METTL15: variants seen among roughly 807,000 people sequenced by gnomAD.
METTL15 encodes methyltransferase 15, mitochondrial 12S rRNA N4-cytidine, also known as 12S rRNA N(4)-cytidine methyltransferase METTL15.
Under a neutral mutation model 38.3 loss-of-function variants are expected in METTL15, and 34 were observed. That is an observed-to-expected ratio of 0.89 (90% CI 0.68 to 1.18). The LOEUF (loss-of-function observed/expected upper bound fraction) is 1.18, where lower values mean the gene tolerates loss of function less well. Ranked by LOEUF, METTL15 falls within the 50% of genes most tolerant of loss-of-function variation. The pLI is 0.00. For missense variants in METTL15, 438 were observed against 498.4 expected, an observed-to-expected ratio of 0.88 and a Z score of 1.15; for synonymous variants, 162 against 170.9, an observed-to-expected ratio of 0.95 and a Z score of 0.41.
intron 4 of METTL15, among the ~76,000 whole-genome samples, chr11:28,247,681 TA>T (rs1854569551): frequency 6.6e-6 from 1 of 152,146 alleles, no homozygotes; most frequent in Non-Finnish European, 1.5e-5. Flanking sequence ...AATACGGAAC[TA>T]AAAACTCATT....
intron 4 of METTL15, among the ~76,000 whole-genome samples, chr11:28,234,248 A>G (rs1296230945): frequency 6.6e-6 from 1 of 152,088 alleles, no homozygotes; most frequent in Non-Finnish European, 1.5e-5. Context: ...TATTGTGAAT[A>G]GTGCTGCAAT....
At chr11:28,188,409 G>A (rs1292991567) in intron 3 of METTL15, among the ~76,000 whole-genome samples, 2 of 151,242 alleles carry the variant, frequency 1.3e-5, no homozygotes, top group African/African-American at 2.4e-5. Flanking sequence ...AAAATGTCAA[G>A]TCAGATATTA....
At chr11:28,234,585 T>C (rs1469904432) in intron 4 of METTL15, among the ~76,000 whole-genome samples, 3 of 151,862 alleles carry the variant, frequency 2.0e-5, no homozygotes, top group Admixed American at 6.6e-5. Flanking sequence ...ATGTGTCTTT[T>C]GGCTGCATAA....
At chr11:28,358,276 C>G (rs1044388860) in intron 4 of METTL15, among the ~76,000 whole-genome samples, 1 of 152,152 alleles carries the variant, frequency 6.6e-6, no homozygotes, top group Non-Finnish European at 1.5e-5. Context: ...TGATTTTACC[C>G]CTGTGGTACC....
intron 6 of METTL15, among the ~76,000 whole-genome samples, chr11:28,431,388 T>G: frequency 1.1e-5 from 1 of 94,312 alleles, no homozygotes; most frequent in Non-Finnish European, 2.3e-5. Flanking sequence ...GCCATGTCTG[T>G]GTAGAAAGAA....
At chr11:28,245,153 A>T (rs10835294) in intron 4 of METTL15, among the ~76,000 whole-genome samples, 15 of 152,078 alleles carry the variant, frequency 9.9e-5, no homozygotes, top group Admixed American at 2.6e-4. Flanking sequence ...ATTACAGACA[A>T]TGGAGCTGTA....
Position 28,261,733 on chromosome 11 carries a change from A to G in METTL15, c.408-28473A>G, listed in dbSNP as rs1855210285. On this transcript the variant is annotated intron_variant, in intron 4 of 6. Transcript: ENST00000407364. ...ACGTTTTCTAGAGTCAGGAGTAAAA[A>G]TAGTTGGCTATTATAATTACATCCA... Among the ~76,000 whole-genome samples, 4 of 152,294 alleles carry G rather than the reference A, an allele frequency of 2.6e-5. No individual in the cohort carries two copies. The South Asian group carries it at 8.3e-4, about 32-fold the overall frequency.
At chr11:28,163,404 C>T (rs756162611) in intron 3 of METTL15, 1 of 398,070 alleles carries the variant, frequency 2.5e-6, no homozygotes, top group Non-Finnish European at 4.4e-6. Flanking sequence ...CATTCTACAG[C>T]AGCCCTGCTT....
intron 5 of METTL15, among the ~76,000 whole-genome samples, chr11:28,391,157 C>T (rs1850502206): frequency 6.6e-6 from 1 of 151,968 alleles, no homozygotes; most frequent in Admixed American, 6.6e-5. Context: ...TCTAGATATA[C>T]AATCATGTCA....
At chr11:28,338,556 AT>A (rs757783021) in intron 3 of METTL15, among the ~76,000 whole-genome samples, 15 of 152,068 alleles carry the variant, frequency 9.9e-5, no homozygotes, top group South Asian at 2.1e-4. Context: ...ATGGTGACTC[AT>A]GTGAATTGTT....
intron 5 of METTL15, among the ~76,000 whole-genome samples, chr11:28,368,143 C>CAAAAAAAAAAAAAAAAAAAAAAAAAA (rs1421370868): frequency 3.4e-5 from 3 of 87,064 alleles, no homozygotes; most frequent in African/African-American, 4.5e-5. Flanking sequence ...AAAAAAAAAA[C>CAAAAAAAAAAAAAAAAAAAAAAAAAA]AAAAAAAACA....
intron 5 of METTL15, among the ~76,000 whole-genome samples, chr11:28,388,674 T>C (rs1850466661): frequency 6.6e-6 from 1 of 152,080 alleles, no homozygotes; most frequent in South Asian, 2.1e-4. Flanking sequence ...AAAATCACAA[T>C]GACACTTTTC....
intron 4 of METTL15, among the ~76,000 whole-genome samples, chr11:28,211,422 A>T (rs1342348769): frequency 6.6e-6 from 1 of 152,114 alleles, no homozygotes; most frequent in Non-Finnish European, 1.5e-5. Context: ...AGAAATACAA[A>T]ATGTCTTCCA....
intron 5 of METTL15, among the ~76,000 whole-genome samples, chr11:28,386,612 A>G (rs575713215): frequency 2.0e-5 from 3 of 152,170 alleles, no homozygotes; most frequent in East Asian, 1.9e-4. Context: ...AATAAATGAT[A>G]ACACGTTAAT....
intron 6 of METTL15, among the ~76,000 whole-genome samples, chr11:28,467,471 T>C (rs911545331): frequency 1.3e-5 from 2 of 152,194 alleles, no homozygotes; most frequent in African/African-American, 4.8e-5. Flanking sequence ...CTCCCTCCAG[T>C]GCAGCTACTG....
rs527386811 is a variant in METTL15 at position 28,217,249 on chromosome 11, C to T, written c.407+6051C>T. On this transcript the variant is annotated intron_variant, in intron 4 of 6. Transcript: ENST00000407364. ...TTGTTTCCTGACTTTTTAATGATCGCCATTCTAACTGGTGTGAGATGGTAT... is the reference window on the plus strand; with the variant it reads ...TTGTTTCCTGACTTTTTAATGATCGTCATTCTAACTGGTGTGAGATGGTAT... Among the ~76,000 whole-genome samples the T allele has an allele frequency of 3.3e-3, 507 of 151,826 alleles. 2 individuals are homozygous for T. The highest frequency in any genetic ancestry group is 5.9e-3 in the Non-Finnish European group (400 of 67,710).
intron 3 of METTL15, among the ~76,000 whole-genome samples, chr11:28,136,633 A>G (rs1231492341): frequency 6.6e-6 from 1 of 152,192 alleles, no homozygotes; most frequent in Non-Finnish European, 1.5e-5. Context: ...ACATATTAAT[A>G]TTATTCATTA....
chr11:28,414,184 G>A (rs1322804003), intron 5 of METTL15, among the ~76,000 whole-genome samples: 1 of 152,094 alleles, frequency 6.6e-6, no homozygotes, highest in African/African-American at 2.4e-5. Flanking sequence ...TGTAGGCAGT[G>A]TTACTGCTCA....
chr11:28,377,327 A>T (rs190666829), intron 5 of METTL15, among the ~76,000 whole-genome samples: 1 of 152,062 alleles, frequency 6.6e-6, no homozygotes, highest in Admixed American at 6.6e-5. Flanking sequence ...CTTTTCACAT[A>T]GTCCCATATT....
Sources: allele counts gnomAD v4.1 joint callset (sites outside exome capture counted in the v4.1 genomes callset), GRCh38; gene constraint gnomAD v4.1.1; transcripts MANE v1.5; gene names NCBI Gene and HGNC (gene_info 2026-07-23, HGNC 2026-07-21).